Variants in TVP23A observed in about 807,000 individuals in gnomAD.
TVP23A encodes the protein trans-golgi network vesicle protein 23 homolog A.
In TVP23A, 21 loss-of-function variants were observed where a neutral mutation model predicts 31.7. That is an observed-to-expected ratio of 0.66 (90% CI 0.47 to 0.95). The LOEUF is 0.95. TVP23A is among the 40% of genes least tolerant of loss of function. The probability of loss-of-function intolerance (pLI) is 0.00; values close to 1 mark genes in which losing one functional copy is unlikely to be tolerated. For synonymous variants in TVP23A, 104 were observed against 96.0 expected (o/e 1.08, Z -0.49); for missense variants, 279 against 255.6 (o/e 1.09, Z -0.62).
chr16:10,774,581 C>G (rs1460763485), intron 3 of TVP23A, among the ~76,000 whole-genome samples: 1 of 150,320 alleles, frequency 6.7e-6, no homozygotes, highest in African/African-American at 2.5e-5. Context: ...AGGGAAACCC[C>G]TCTCACTTGG....
At chr16:10,775,673 T>A in intron 2 of TVP23A, 2 of 388,310 alleles carry the variant, frequency 5.2e-6, no homozygotes, top group Non-Finnish European at 7.1e-6. Context: ...ACTGTGCCTT[T>A]AGACACAAAC....
chr16:10,814,117 G>C (rs2034327056), intron 2 of TVP23A, among the ~76,000 whole-genome samples: 1 of 151,540 alleles, frequency 6.6e-6, no homozygotes, highest in Admixed American at 6.6e-5. Flanking sequence ...CAGAATCAAT[G>C]GGGTGCTATT....
chr16:10,769,123 G>A (rs1309013765), intron 7 of TVP23A, 22 bp from the exon 8 acceptor site: 2 of 1,613,156 alleles, frequency 1.2e-6, no homozygotes, highest in Admixed American at 3.3e-5. Context: ...GAATGTTCAG[G>A]ACCAAGCAGT....
At chr16:10,770,212 G>T in intron 7 of TVP23A, 60 bp downstream of exon 7, 1 of 1,543,406 alleles carries the variant, frequency 6.5e-7, no homozygotes, top group Non-Finnish European at 8.7e-7. Context: ...TGTGCCCCAA[G>T]AGCTGCATTT....
chr16:10,781,850 CTTTTTTTTTTT>C lies in TVP23A; in HGVS notation c.90-6765_90-6755del, dbSNP rs144933462. ...AGCCCTCCTTCACAACTAACACAATCTTTTTTTTTTTTTTTTTTTTTTTTTTTTTGAGACAG... is the reference window on the plus strand; with the variant it reads ...AGCCCTCCTTCACAACTAACACAATCTTTTTTTTTTTTTTTTTTGAGACAG... On this transcript the variant is annotated intron_variant, in intron 2 of 7. Transcript: ENST00000299866. 3.7e-3 allele frequency among the ~76,000 whole-genome samples: 336 copies of C among 90,956 alleles called. 2 individuals are homozygous for C. The highest frequency in any genetic ancestry group is 0.019 in the African/African-American group (304 of 15,988). 59.7% of individuals were successfully genotyped at this position (90,956 alleles called of 152,430 possible).
chr16:10,758,058 A>C (rs1417723096), downstream of TVP23A: 1 of 1,607,610 alleles, frequency 6.2e-7, no homozygotes. Context: ...AGCTGGGTCC[A>C]AACTGTGCTC....
At chr16:10,770,370 C>T (rs374529272) in intron 6 of TVP23A, 39 bp from the exon 7 acceptor site, 25 of 1,546,092 alleles carry the variant, frequency 1.6e-5, no homozygotes, top group East Asian at 4.9e-5. Context: ...TCTGTCCTTA[C>T]ACGCGAGTGG....
rs867501970 is a variant in TVP23A, at chr16:10,813,795, C to G, written c.89+4308G>C. On this transcript the variant is annotated intron_variant, in intron 2 of 7. Coordinates refer to ENST00000299866, the MANE Select transcript of TVP23A (RefSeq NM_001079512.4). ...CCAAGGCACTAGGATCACTCAAGAT[C>G]AGGAGTTCAAGCCTGGCCAACATGA... Among the ~76,000 whole-genome samples, 4 of 151,978 alleles carry G rather than the reference C, an allele frequency of 2.6e-5. No homozygotes were observed. In the South Asian group the frequency reaches 8.3e-4, roughly 32 times the overall value.
chr16:10,784,252 C>T (rs2032599604), intron 2 of TVP23A, among the ~76,000 whole-genome samples: 1 of 151,728 alleles, frequency 6.6e-6, no homozygotes, highest in Non-Finnish European at 1.5e-5. Context: ...TTGCCTGAAC[C>T]CAGGAGGCGG....
exon 9 of TVP23A, chr16:10,761,536 G>A (rs1006877203): frequency 2.5e-5 from 34 of 1,376,976 alleles, no homozygotes; most frequent in Middle Eastern, 2.0e-4. Context: ...GGAAACGATC[G>A]GAAGGCTGCT....
chr16:10,795,984 G>T (rs1460657902), intron 2 of TVP23A, among the ~76,000 whole-genome samples: 1 of 152,050 alleles, frequency 6.6e-6, no homozygotes, highest in Non-Finnish European at 1.5e-5. Context: ...AATATTAAAG[G>T]ATGCAACAGG....
At chr16:10,783,797 C>G (rs754066348) in intron 2 of TVP23A, among the ~76,000 whole-genome samples, 1 of 152,138 alleles carries the variant, frequency 6.6e-6, no homozygotes, top group Admixed American at 6.5e-5. Context: ...CATAGAGGAA[C>G]CTTAAATGTG....
At chr16:10,806,512 AT>A (rs1392842681) in intron 2 of TVP23A, among the ~76,000 whole-genome samples, 2 of 151,996 alleles carry the variant, frequency 1.3e-5, no homozygotes, top group Non-Finnish European at 2.9e-5. Flanking sequence ...TTTTTATTTT[AT>A]TTTATTTTGA....
At chr16:10,802,178 G>C (rs2033726325) in intron 2 of TVP23A, among the ~76,000 whole-genome samples, 2 of 150,576 alleles carry the variant, frequency 1.3e-5, no homozygotes, top group Non-Finnish European at 3.0e-5. Flanking sequence ...GCTCCTACTG[G>C]TCAACAATGG....
intron 4 of TVP23A, among the ~76,000 whole-genome samples, 174 bp downstream of exon 4, chr16:10,773,865 C>G (rs2031807972): frequency 1.3e-5 from 2 of 152,230 alleles, no homozygotes; most frequent in Non-Finnish European, 2.9e-5. Flanking sequence ...GCCACCACGC[C>G]CGGTCTATTT....
chr16:10,818,580 G>C lies in TVP23A; in HGVS notation c.-87C>G. The C allele has an allele frequency of 4.0e-6, 6 of 1,506,780 alleles. No individual in the cohort carries two copies. The highest frequency in any genetic ancestry group is 5.3e-6 in the Non-Finnish European group (6 of 1,126,320). 93.3% of individuals were successfully genotyped at this position (1,506,780 alleles called of 1,614,324 possible). ...GAAGGGGTCGGACGCCGGGCGGGCG[G>C]ATGTAGGCAGCAGACGGTGGACGCT... is the stretch of plus-strand genomic sequence containing the variant. On this transcript the variant is annotated 5_prime_UTR_variant, in exon 1 of 8. The change creates a new upstream start codon in the 5' untranslated region. Coordinates refer to ENST00000299866, the MANE Select transcript of TVP23A (RefSeq NM_001079512.4). The surrounding 1 kb of genome is among the most constrained non-coding windows in gnomAD (Gnocchi z 4.7).
chr16:10,769,189 G>T, intron 7 of TVP23A, 88 bp from the exon 8 acceptor site: 4 of 1,271,580 alleles, frequency 3.1e-6, no homozygotes, highest in South Asian at 2.4e-5. Flanking sequence ...CCAGCTCCGG[G>T]ATGGGGTGGG....
intron 2 of TVP23A, among the ~76,000 whole-genome samples, chr16:10,788,512 C>T (rs1049320886): frequency 4.6e-5 from 7 of 152,044 alleles, no homozygotes; most frequent in African/African-American, 1.7e-4. Context: ...GGACCAGCCT[C>T]AACACCACCC....
At position 10,767,811 on chromosome 16, in the gene TVP23A, T is replaced by C. The variant is rs545784883; in HGVS notation, c.*1291A>G. 3.9e-6 allele frequency: 3 copies of C among 759,564 alleles called. No individual in the cohort carries two copies. Among genetic ancestry groups the C allele is most frequent in the Non-Finnish European group, 4.4e-6 (2 of 456,834 alleles). 47.1% of individuals were successfully genotyped at this position (759,564 alleles called of 1,614,324 possible). A position where few individuals can be genotyped will look rare whatever the true frequency, so the allele number is the denominator to read the frequency against. ...AGGTCCCTGAGACCCCACTGGTCTTTTCTACTTTGTTCTTCATTACGAGTG... is the reference window on the plus strand; with the variant it reads ...AGGTCCCTGAGACCCCACTGGTCTTCTCTACTTTGTTCTTCATTACGAGTG... On this transcript the variant is annotated 3_prime_UTR_variant, in exon 8 of 8. Transcript: ENST00000299866. This position sits in a 1 kb window ranked among gnomAD's most constrained non-coding sequence, Gnocchi z 4.6.
Sources: gnomAD v4.1 joint callset for allele counts (sites outside exome capture counted in the v4.1 genomes callset) on GRCh38, gnomAD v4.1.1 for gene constraint, Gnocchi (gnomAD v3.1) non-coding constraint, MANE v1.5 for transcripts, NCBI Gene and HGNC (gene_info 2026-07-23, HGNC 2026-07-21) for gene names.